CCDC38: variants seen among roughly 807,000 people sequenced by gnomAD.
The protein encoded by CCDC38 is coiled-coil domain-containing protein 38.
A neutral mutation model predicts 72.8 loss-of-function variants in CCDC38; 69 were observed. That is an observed-to-expected ratio of 0.95 (90% confidence interval 0.78 to 1.16). The LOEUF (loss-of-function observed/expected upper bound fraction) is 1.16, where lower values mean the gene tolerates loss of function less well. CCDC38 is among the 50% of genes most tolerant of loss of function. The pLI is 0.00. For missense variants in CCDC38, 626 were observed against 638.9 expected, an observed-to-expected ratio of 0.98 and a Z score of 0.22; for synonymous variants, 201 against 213.2, an observed-to-expected ratio of 0.94 and a Z score of 0.50.
chr12:95,879,874 G>T lies in CCDC38; in HGVS notation c.991-79C>A. The T allele has an allele frequency of 9.1e-7, 1 of 1,093,860 alleles. No homozygotes were observed. Among genetic ancestry groups the T allele is most frequent in the Non-Finnish European group, 1.3e-6 (1 of 763,434 alleles). The allele number at this position is 1,093,860 out of a possible 1,614,324, so 67.8% of individuals were successfully genotyped here. The stretch of plus-strand genomic sequence containing the variant: ...ACATGTGACTTATCTAGAAAATACA[G>T]TGGGGTAAAGGAAGACAGTTCTAAG... On this transcript the variant is annotated intron_variant, in intron 11 of 15. Coordinates refer to ENST00000344280, the MANE Select transcript of CCDC38 (RefSeq NM_182496.3). This position sits in a 1 kb window ranked among gnomAD's most constrained non-coding sequence, Gnocchi z 5.5.
chr12:95,869,792 A>G (rs2079560727), intron 14 of CCDC38: 2 of 474,264 alleles, frequency 4.2e-6, no homozygotes, highest in Non-Finnish European at 7.4e-6. Context: ...TCATTTTGGA[A>G]AATATAAAAT....
chr12:95,869,422 G>A, intron 15 of CCDC38, 58 bp downstream of exon 15: 2 of 1,284,542 alleles, frequency 1.6e-6, no homozygotes, highest in Non-Finnish European at 2.2e-6. Flanking sequence ...AAAGTATTTT[G>A]TTTTTGTATT....
At chr12:95,902,935 AC>A (rs531646287) in intron 5 of CCDC38, among the ~76,000 whole-genome samples, 27 of 152,246 alleles carry the variant, frequency 1.8e-4, no homozygotes, top group South Asian at 6.2e-4. Flanking sequence ...TGGGATTTGT[AC>A]TGAGATTGCA....
chr12:95,936,893 G>A (rs569513293), intron 1 of CCDC38, among the ~76,000 whole-genome samples: 1 of 152,302 alleles, frequency 6.6e-6, no homozygotes, highest in African/African-American at 2.4e-5. Context: ...TAGGGATAGT[G>A]TGGATTAAAA....
chr12:95,895,266 G>T (rs1169840201), intron 7 of CCDC38, 120 bp from the exon 8 acceptor site: 1 of 586,968 alleles, frequency 1.7e-6, no homozygotes, highest in African/African-American at 1.9e-5. Flanking sequence ...TTATCAAAAA[G>T]GATAAATATG....
intron 13 of CCDC38, among the ~76,000 whole-genome samples, chr12:95,877,108 G>T (rs542439155): frequency 2.6e-5 from 4 of 152,236 alleles, no homozygotes; most frequent in Non-Finnish European, 5.9e-5. Flanking sequence ...GTTTATTGGG[G>T]ATCTGAAGGA....
intron 1 of CCDC38, among the ~76,000 whole-genome samples, chr12:95,937,305 AT>A (rs2136747301): frequency 6.6e-6 from 1 of 152,274 alleles, no homozygotes; most frequent in South Asian, 2.1e-4. Flanking sequence ...AAATTCTGTT[AT>A]TTCATTTATC....
Position 95,906,437 on chromosome 12 carries a change from T to C in CCDC38, c.319A>G (p.Arg107Gly). 6.2e-7 allele frequency: 1 copy of C among 1,612,548 alleles called. No homozygotes were observed. The change falls in exon 5 of 16, where the codon AGG becomes GGG. Residue 107 changes from arginine (R) to glycine (G), a missense_variant. By Grantham distance (125) the Arg-to-Gly change is moderately radical. Transcript: ENST00000344280. ...TCATTAATAAATTCATGGACAGTCC[T>C]TTTTGTGTCGGAACCTGTGAAGAAA... ...PRLIEGSDTK[R>G]TVHEFINDQR...
At chr12:95,867,374 A>G (rs148484426) in intron 15 of CCDC38, among the ~76,000 whole-genome samples, 185 bp from the exon 16 acceptor site, 1 of 152,358 alleles carries the variant, frequency 6.6e-6, no homozygotes, top group Admixed American at 6.5e-5. Flanking sequence ...AAAGTTGAGT[A>G]GCAAACTGGA....
In CCDC38 at chr12:95,890,932, T is replaced by A; in HGVS notation, c.773-2A>T. 6.5e-7 allele frequency: 1 copy of A among 1,538,220 alleles called. No individual in the cohort carries two copies. The highest frequency in any genetic ancestry group is 8.9e-7 in the Non-Finnish European group (1 of 1,117,790). ...TGTTACTTGAATGTAATGATAATTC[T>A]AGAAATGGCAAATGAAGAGGAGAGA... is the stretch of plus-strand genomic sequence containing the variant. On this transcript the variant is annotated splice_acceptor_variant, in intron 8 of 15. Transcript: ENST00000344280. LOFTEE classifies it high-confidence loss of function.
intron 2 of CCDC38, among the ~76,000 whole-genome samples, chr12:95,929,226 G>A (rs2080309051): frequency 6.6e-6 from 1 of 152,176 alleles, no homozygotes; most frequent in East Asian, 1.9e-4. Flanking sequence ...GCCAGGTGCG[G>A]GATATAATCT....
intron 14 of CCDC38, among the ~76,000 whole-genome samples, chr12:95,871,997 C>G (rs151101153): frequency 6.6e-6 from 1 of 152,084 alleles, no homozygotes; most frequent in African/African-American, 2.4e-5. Context: ...GTCAGTTGCC[C>G]CTGGTGAACT....
chr12:95,901,638 G>T (rs751348266), intron 5 of CCDC38, among the ~76,000 whole-genome samples: 1 of 152,142 alleles, frequency 6.6e-6, no homozygotes, highest in Admixed American at 6.5e-5. Context: ...TGGAAGAGTC[G>T]AGAGAGTGGC....
At chr12:95,902,351 C>T (rs571580809) in intron 5 of CCDC38, among the ~76,000 whole-genome samples, 39 of 152,192 alleles carry the variant, frequency 2.6e-4, no homozygotes, top group African/African-American at 9.4e-4. Context: ...CTACTCAAGC[C>T]CTTTGTAATC....
rs116620947 is a variant in CCDC38, at chr12:95,873,315, A to C, written c.1279-855T>G. Among the ~76,000 whole-genome samples, 958 of 152,324 alleles carry C rather than the reference A, an allele frequency of 6.3e-3. 15 individuals carry two copies. Among genetic ancestry groups the C allele is most frequent in the African/African-American group, 0.022 (910 of 41,564 alleles). ...TTTGCACATAACTACGCACTGAATA[A>C]ATGTTTGCTGAATAAATGACTAAAT... On this transcript the variant is annotated intron_variant, in intron 13 of 15. Transcript: ENST00000344280.
chr12:95,931,472 C>T (rs957289213), intron 2 of CCDC38, among the ~76,000 whole-genome samples: 7 of 152,194 alleles, frequency 4.6e-5, no homozygotes, highest in African/African-American at 1.4e-4. Flanking sequence ...TTTGGGGGGC[C>T]ATTATTCTGT....
chr12:95,908,335 GCCTGCAATCGCAGGC>G (rs2080038376), intron 4 of CCDC38, among the ~76,000 whole-genome samples: 1 of 149,654 alleles, frequency 6.7e-6, no homozygotes, highest in Non-Finnish European at 1.5e-5. Context: ...GGCGGCGCGC[GCCTGCAATCGCAGGC>G]ACTCGGCAGG....
intron 2 of CCDC38, among the ~76,000 whole-genome samples, chr12:95,920,546 A>G (rs907162421): frequency 7.9e-5 from 12 of 152,256 alleles, no homozygotes; most frequent in Non-Finnish European, 1.2e-4. Flanking sequence ...AGTACAATAT[A>G]TGCTACAACA....
intron 13 of CCDC38, among the ~76,000 whole-genome samples, chr12:95,876,445 G>C (rs926557535): frequency 4.0e-5 from 6 of 151,800 alleles, no homozygotes; most frequent in South Asian, 2.1e-4. Flanking sequence ...ATGTTGAAAA[G>C]ATGATGAAAA....
Sources: allele counts gnomAD v4.1 joint callset (sites outside exome capture counted in the v4.1 genomes callset), GRCh38; gene constraint gnomAD v4.1.1; non-coding constraint Gnocchi (gnomAD v3.1); transcripts MANE v1.5; gene names NCBI Gene and HGNC (gene_info 2026-07-23, HGNC 2026-07-21).